Variants in PSD3 observed in about 807,000 individuals in gnomAD.
PSD3 encodes the protein pleckstrin and Sec7 domain containing 3, also known as PH and SEC7 domain-containing protein 3.
In PSD3, 49 loss-of-function variants were observed where a neutral mutation model predicts 105.5. The ratio of observed to expected loss-of-function variants is 0.46; its 90% CI spans 0.37 to 0.59. The LOEUF (loss-of-function observed/expected upper bound fraction) is 0.59. Among genes scored for constraint, PSD3 ranks in the 20% least tolerant of loss-of-function variants. The pLI is 0.00. For synonymous variants in PSD3, 557 were observed against 457.8 expected (o/e 1.22, Z -2.77); for missense variants, 1,561 against 1,263.8 (o/e 1.24, Z -3.57).
chr8:18,908,993 G>T (rs751757417), intron 2 of PSD3, among the ~76,000 whole-genome samples: 2 of 152,018 alleles, frequency 1.3e-5, no homozygotes, highest in Non-Finnish European at 2.9e-5. Flanking sequence ...ACTAAAACAG[G>T]GTCTCAGTCT....
At chr8:18,648,215 C>T (rs562430604) in intron 10 of PSD3, among the ~76,000 whole-genome samples, 21 of 152,120 alleles carry the variant, frequency 1.4e-4, no homozygotes, top group Non-Finnish European at 2.8e-4. Flanking sequence ...CAGAAGATGA[C>T]AGGAAGATGA....
chr8:18,743,280 C>T (rs1255528674), intron 9 of PSD3, among the ~76,000 whole-genome samples: 1 of 152,130 alleles, frequency 6.6e-6, no homozygotes, highest in Non-Finnish European at 1.5e-5. Flanking sequence ...CAACATACTC[C>T]TACAGCTTCT....
chr8:18,810,311 A>G (rs10098570), intron 4 of PSD3, among the ~76,000 whole-genome samples: 5,532 of 152,260 alleles, frequency 0.036, 255 homozygotes, highest in African/African-American at 0.1. Flanking sequence ...TGCCATGTCT[A>G]CTTCCTCCAC....
intron 1 of PSD3, among the ~76,000 whole-genome samples, chr8:18,969,233 A>T (rs529379050): frequency 9.9e-4 from 151 of 152,332 alleles, no homozygotes; most frequent in African/African-American, 3.5e-3. Flanking sequence ...GTCACATCAT[A>T]ACCATACATT....
chr8:19,018,730 T>C (rs1050323972), intron 1 of PSD3, among the ~76,000 whole-genome samples: 1 of 152,148 alleles, frequency 6.6e-6, no homozygotes, highest in Non-Finnish European at 1.5e-5. Flanking sequence ...TACTTTTTCT[T>C]GAATCAAGTG....
chr8:18,949,446 G>T (rs1484423282), intron 1 of PSD3, among the ~76,000 whole-genome samples: 1 of 150,718 alleles, frequency 6.6e-6, no homozygotes, highest in Non-Finnish European at 1.5e-5. Context: ...AATCCATGTT[G>T]TGATTTACAC....
At chr8:18,929,575 C>T (rs1412088767) in intron 2 of PSD3, among the ~76,000 whole-genome samples, 7 of 152,142 alleles carry the variant, frequency 4.6e-5, no homozygotes, top group African/African-American at 1.4e-4. Flanking sequence ...TCGTAGAAAC[C>T]CATTCCAGCC....
chr8:18,962,272 T>C (rs760503820), intron 1 of PSD3, among the ~76,000 whole-genome samples: 7 of 152,024 alleles, frequency 4.6e-5, no homozygotes, highest in African/African-American at 1.4e-4. Context: ...GATAGGTCCA[T>C]TGCAATTCTT....
intron 1 of PSD3, among the ~76,000 whole-genome samples, chr8:19,045,231 G>A (rs1896205): frequency 0.071 from 10,791 of 151,904 alleles, 1,288 homozygotes; most frequent in African/African-American, 0.25. Flanking sequence ...AAAAAGAAAA[G>A]TAAAAAAGTA....
intron 1 of PSD3, among the ~76,000 whole-genome samples, chr8:19,053,306 G>A (rs1038188988): frequency 4.7e-4 from 71 of 152,186 alleles, no homozygotes; most frequent in African/African-American, 1.6e-3. Context: ...TCATCCCTCC[G>A]CACTGCGTCC....
chr8:18,654,607 G>A (rs1250620793), intron 10 of PSD3, among the ~76,000 whole-genome samples: 1 of 152,142 alleles, frequency 6.6e-6, no homozygotes, highest in East Asian at 1.9e-4. Flanking sequence ...AGACCTAGGT[G>A]TAGCTCATCT....
chr8:18,937,320 G>T (rs17127475), intron 1 of PSD3, among the ~76,000 whole-genome samples: 6,112 of 152,242 alleles, frequency 0.04, 173 homozygotes, highest in South Asian at 0.064. Context: ...CTACCCACTG[G>T]TTATGAGACA....
chr8:18,858,558 T>A (rs1280949885), intron 4 of PSD3, among the ~76,000 whole-genome samples: 1 of 151,814 alleles, frequency 6.6e-6, no homozygotes, highest in Non-Finnish European at 1.5e-5. Context: ...CCACAAAACT[T>A]TTTTTTTTCA....
chr8:18,594,136 A>ATG (rs1410636979), intron 12 of PSD3, among the ~76,000 whole-genome samples: 1 of 48,042 alleles, frequency 2.1e-5, no homozygotes, highest in African/African-American at 8.0e-5. Flanking sequence ...TATATATTAT[A>ATG]TATATATTAT....
At chr8:18,905,480 T>A (rs1345155611) in intron 2 of PSD3, among the ~76,000 whole-genome samples, 1 of 152,066 alleles carries the variant, frequency 6.6e-6, no homozygotes, top group East Asian at 1.9e-4. Context: ...CACACCACCA[T>A]TCCCGGATAA....
At chr8:18,857,889 T>A (rs1311302862) in intron 4 of PSD3, among the ~76,000 whole-genome samples, 1 of 152,152 alleles carries the variant, frequency 6.6e-6, no homozygotes, top group Non-Finnish European at 1.5e-5. Context: ...ACCAGTAGAA[T>A]ACCTGCAAAT....
chr8:18,966,850 A>G (rs1824286565), intron 1 of PSD3, among the ~76,000 whole-genome samples: 1 of 152,170 alleles, frequency 6.6e-6, no homozygotes, highest in Non-Finnish European at 1.5e-5. Flanking sequence ...AAATTTTCAA[A>G]TTAGTCTTAA....
chr8:18,963,078 T>C (rs1441079693), intron 1 of PSD3, among the ~76,000 whole-genome samples: 2 of 152,136 alleles, frequency 1.3e-5, no homozygotes, highest in Non-Finnish European at 2.9e-5. Context: ...GAAAGGCACT[T>C]CTTACATGGC....
intron 11 of PSD3, among the ~76,000 whole-genome samples, chr8:18,630,841 A>T (rs560388543): frequency 2.0e-5 from 3 of 151,970 alleles, no homozygotes; most frequent in African/African-American, 7.3e-5. Flanking sequence ...AGAATACAAC[A>T]TAACAACTAT....
Sources: gnomAD v4.1 joint callset for allele counts (sites outside exome capture counted in the v4.1 genomes callset) on GRCh38, gnomAD v4.1.1 for gene constraint, MANE v1.5 for transcripts, NCBI Gene and HGNC (gene_info 2026-07-23, HGNC 2026-07-21) for gene names.